NKIRAS1: variants seen among roughly 807,000 people sequenced by gnomAD.
NKIRAS1 encodes the protein NF-kappa-B inhibitor-interacting Ras-like protein 1.
NKIRAS1 carries 16 observed loss-of-function variants against 19.8 expected under a neutral mutation model. That is an observed-to-expected ratio of 0.81 (90% CI 0.55 to 1.23). The LOEUF (loss-of-function observed/expected upper bound fraction) is 1.23. Ranked by LOEUF, NKIRAS1 falls within the 50% of genes most tolerant of loss-of-function variation. The probability of loss-of-function intolerance (pLI) is 0.00; values close to 1 mark genes in which losing one functional copy is unlikely to be tolerated. For missense variants in NKIRAS1, 184 were observed against 220.0 expected, an observed-to-expected ratio of 0.84 and a Z score of 1.04; for synonymous variants, 88 against 79.0, an observed-to-expected ratio of 1.11 and a Z score of -0.61.
intron 1 of NKIRAS1, among the ~76,000 whole-genome samples, chr3:23,915,400 C>A (rs1178277147): frequency 6.6e-6 from 1 of 152,174 alleles, no homozygotes; most frequent in Non-Finnish European, 1.5e-5. Flanking sequence ...TACAGATTTA[C>A]AGACCTAGTC....
chr3:23,918,595 CAGTT>C, upstream of NKIRAS1: 1 of 1,611,454 alleles, frequency 6.2e-7, no homozygotes, highest in South Asian at 1.1e-5. Flanking sequence ...TTTTGAGTAG[CAGTT>C]ATATTGAATA....
chr3:23,912,586 G>C (rs552005276), intron 1 of NKIRAS1, among the ~76,000 whole-genome samples: 1 of 152,318 alleles, frequency 6.6e-6, no homozygotes, highest in South Asian at 2.1e-4. Flanking sequence ...CTTTTACACT[G>C]TTGGTGGGAC....
intron 1 of NKIRAS1, among the ~76,000 whole-genome samples, chr3:23,942,860 G>A (rs987351013): frequency 2.6e-5 from 4 of 152,108 alleles, no homozygotes; most frequent in Admixed American, 2.0e-4. Flanking sequence ...AGATGCTCCT[G>A]CATCAGCCTC....
chr3:23,896,620 A>C (rs1702023292), intron 4 of NKIRAS1, among the ~76,000 whole-genome samples: 1 of 151,964 alleles, frequency 6.6e-6, no homozygotes, highest in South Asian at 2.1e-4. Flanking sequence ...CAAAAAAAAC[A>C]AGGATGATAC....
chr3:23,938,148 C>G (rs1480215041), intron 1 of NKIRAS1, among the ~76,000 whole-genome samples: 2 of 151,658 alleles, frequency 1.3e-5, no homozygotes, highest in Non-Finnish European at 2.9e-5. Flanking sequence ...CCTATCCTAA[C>G]ACTTAGAAAA....
rs1375608897 is a variant in NKIRAS1, at chr3:23,893,169, A to G, written c.505T>C (p.Ser169Pro). The G allele has an allele frequency of 1.2e-6, 2 of 1,611,716 alleles. No homozygotes were observed. The highest frequency in any genetic ancestry group is 1.7e-6 in the Non-Finnish European group (2 of 1,179,030). ...AAGCTTGATTTGCTCTGGGGTTGAG[A>G]AAGTTTACTGGCTAATAAAGTGAAT... Reference protein sequence around the residue: ...EPFTLLASKLSQPQSKSSFPL... With the variant: ...EPFTLLASKLPQPQSKSSFPL... Residue 169 changes from serine (S) to proline (P), a missense_variant, in exon 5 of 5, where the codon TCT becomes CCT. Ser to Pro is a moderately conservative substitution (Grantham distance 74, BLOSUM62 -1). Transcript: ENST00000425478.
At position 23,914,224 on chromosome 3, in the gene NKIRAS1, A is replaced by ATGCTTTG. The variant is rs377204691; in HGVS notation, c.-140+2553_-140+2559dup. ...ATATGACCTGGTCCATTCCTGTGAA[A>ATGCTTTG]TGCTTTGTCAACATTTTCTTTGAAG... On this transcript the variant is annotated intron_variant, in intron 1 of 4. Coordinates refer to ENST00000425478, the MANE Select transcript of NKIRAS1 (RefSeq NM_020345.4). 4.7e-3 allele frequency among the ~76,000 whole-genome samples: 705 copies of ATGCTTTG among 151,610 alleles called. 6 individuals carry two copies. The highest frequency in any genetic ancestry group is 0.016 in the African/African-American group (655 of 41,352).
chr3:23,917,637 G>T, upstream of NKIRAS1: 1 of 502,204 alleles, frequency 2.0e-6, no homozygotes, highest in Non-Finnish European at 3.5e-6. Context: ...AAAACGTGCC[G>T]AGCACCGCTC....
chr3:23,940,636 CAT>C (rs1232270064), intron 1 of NKIRAS1, among the ~76,000 whole-genome samples: 1 of 152,042 alleles, frequency 6.6e-6, no homozygotes, highest in Non-Finnish European at 1.5e-5. Context: ...TCAAATAAGA[CAT>C]AATTTACATA....
chr3:23,916,538 G>C (rs1420394186), intron 1 of NKIRAS1: 1 of 152,266 alleles, frequency 6.6e-6, no homozygotes, highest in East Asian at 1.9e-4. Context: ...TGGGCGCTGG[G>C]GCCTGCTGGA....
chr3:23,921,610 TCTCA>T (rs113086273), upstream of NKIRAS1: 732 of 492,102 alleles, frequency 1.5e-3, 4 homozygotes, highest in African/African-American at 0.013. Context: ...GGAGTCTCAC[TCTCA>T]CTCAGGTGGG....
intron 1 of NKIRAS1, among the ~76,000 whole-genome samples, chr3:23,937,813 T>G (rs1705422774): frequency 6.6e-6 from 1 of 152,224 alleles, no homozygotes. Context: ...ATGAAGTATC[T>G]TGGCCAGATG....
At chr3:23,905,083 C>T (rs1204584904) in intron 3 of NKIRAS1, among the ~76,000 whole-genome samples, 1 of 152,164 alleles carries the variant, frequency 6.6e-6, no homozygotes, top group Non-Finnish European at 1.5e-5. Flanking sequence ...CCCACCTCGG[C>T]CTCCCAAAGT....
chr3:23,919,101 C>T, upstream of NKIRAS1: 2 of 806,120 alleles, frequency 2.5e-6, no homozygotes, highest in Non-Finnish European at 4.2e-6. Context: ...AGACTCTTGT[C>T]TGGTGGTGAA....
intron 3 of NKIRAS1, 137 bp from the exon 4 acceptor site, chr3:23,901,186 T>A: frequency 9.6e-7 from 1 of 1,044,690 alleles, no homozygotes; most frequent in Non-Finnish European, 1.4e-6. Context: ...TTACTTTTTT[T>A]TTTTTTTTTT....
intron 1 of NKIRAS1, among the ~76,000 whole-genome samples, chr3:23,924,598 C>T (rs868594450): frequency 6.6e-6 from 1 of 152,012 alleles, no homozygotes; most frequent in Non-Finnish European, 1.5e-5. Flanking sequence ...CGGGTTTGCA[C>T]CATGTTTGCC....
At position 23,922,808 on chromosome 3, in the gene NKIRAS1, CAA is replaced by C; in HGVS notation, c.-139-11360_-139-11359del. 1 of 152,190 alleles carries C rather than the reference CAA, an allele frequency of 6.6e-6. No individual in the cohort carries two copies. Among genetic ancestry groups the C allele is most frequent in the South Asian group, 2.1e-4 (1 of 4,818 alleles). The allele number at this position is 152,190 out of a possible 1,614,324, so 9.4% of individuals were successfully genotyped here. A position where few individuals can be genotyped will look rare whatever the true frequency, so the allele number is the denominator to read the frequency against. On this transcript the variant is annotated intron_variant, in intron 1 of 4. Transcript: ENST00000421515. This position sits in a 1 kb window ranked among gnomAD's most constrained non-coding sequence, Gnocchi z 4.2. ...CCTGGAGGCAAGGTGATCAGTTTAACAATATTTTTTTATTTTGAGACAGGGTC... is the reference window on the plus strand; with the variant it reads ...CCTGGAGGCAAGGTGATCAGTTTAACTATTTTTTTATTTTGAGACAGGGTC...
intron 1 of NKIRAS1, among the ~76,000 whole-genome samples, chr3:23,930,868 G>GTT (rs35470415): frequency 6.9e-4 from 86 of 123,850 alleles, no homozygotes; most frequent in African/African-American, 9.7e-4. Context: ...ATGTCCGGCT[G>GTT]TTTTTTTTTT....
intron 4 of NKIRAS1, among the ~76,000 whole-genome samples, chr3:23,898,442 A>AT (rs749239072): frequency 0.028 from 3,972 of 139,646 alleles, 71 homozygotes; most frequent in African/African-American, 0.04. Context: ...ATATTGTATG[A>AT]TTTTTTTTTT....
Sources: gnomAD v4.1 joint callset for allele counts (sites outside exome capture counted in the v4.1 genomes callset) on GRCh38, gnomAD v4.1.1 for gene constraint, Gnocchi (gnomAD v3.1) non-coding constraint, MANE v1.5 for transcripts, NCBI Gene and HGNC (gene_info 2026-07-23, HGNC 2026-07-21) for gene names.